Variants in OSBPL9 observed in about 807,000 individuals in gnomAD.
The protein encoded by OSBPL9 is oxysterol binding protein like 9, also known as oxysterol-binding protein-related protein 9.
Under a neutral mutation model 106.6 loss-of-function variants are expected in OSBPL9, and 40 were observed. The observed-to-expected ratio is 0.38, with a 90% CI of 0.29 to 0.49. The LOEUF is 0.49. Among genes scored for constraint, OSBPL9 ranks in the 20% least tolerant of loss-of-function variants. OSBPL9 has a pLI of 0.97. For missense variants in OSBPL9, 609 were observed against 887.2 expected (o/e 0.69, Z 3.98); for synonymous variants, 269 against 295.4 (o/e 0.91, Z 0.92).
At chr1:51,661,268 T>G (rs980866567) in intron 2 of OSBPL9, among the ~76,000 whole-genome samples, 3 of 152,204 alleles carry the variant, frequency 2.0e-5, no homozygotes, top group African/African-American at 7.2e-5. Flanking sequence ...TTGGAACCAG[T>G]TCACCAGCCT....
intron 2 of OSBPL9, among the ~76,000 whole-genome samples, chr1:51,659,228 C>T (rs1453758271): frequency 6.6e-6 from 1 of 152,110 alleles, no homozygotes; most frequent in Non-Finnish European, 1.5e-5. Flanking sequence ...CGCAGTATCA[C>T]ATAGATAACA....
At chr1:51,541,969 C>A in the OSBPL9 span, among the ~76,000 whole-genome samples, 1 of 152,098 alleles carries the variant, frequency 6.6e-6, no homozygotes, top group African/African-American at 2.4e-5. Flanking sequence ...GTCACTGCAA[C>A]CTCTACCTCC....
At chr1:51,596,192 A>G (rs1049390925) in intron 1 of OSBPL9, among the ~76,000 whole-genome samples, 3 of 150,558 alleles carry the variant, frequency 2.0e-5, no homozygotes, top group African/African-American at 7.3e-5. Flanking sequence ...CTGGGAGGTA[A>G]ATGTTGCAGT....
chr1:51,579,106 A>G (rs1457887153), intron 1 of OSBPL9, among the ~76,000 whole-genome samples: 1 of 148,158 alleles, frequency 6.7e-6, no homozygotes, highest in Non-Finnish European at 1.5e-5. Flanking sequence ...CCCAGGCTGG[A>G]GTGCAGTGGT....
the OSBPL9 span, among the ~76,000 whole-genome samples, chr1:51,543,345 A>G: frequency 6.6e-6 from 1 of 152,182 alleles, no homozygotes; most frequent in Non-Finnish European, 1.5e-5. Flanking sequence ...TCTAAGAGGC[A>G]GGTCTTCTTA....
chr1:51,632,666 A>T (rs964304212), intron 1 of OSBPL9, among the ~76,000 whole-genome samples: 1 of 119,962 alleles, frequency 8.3e-6, no homozygotes, highest in Non-Finnish European at 1.9e-5. Flanking sequence ...CGATGGGGGG[A>T]GAAGTGGCGG....
rs750810537 is a variant in OSBPL9, at chr1:51,788,819, T to TGAAG, written c.*1032_*1035dup. On this transcript the variant is annotated 3_prime_UTR_variant, in exon 24 of 24. Coordinates refer to ENST00000428468, the MANE Select transcript of OSBPL9 (RefSeq NM_024586.6). ...TGCCACAGCAGCAGATGGCTCATTC[T>TGAAG]GAAGGGAAATACAGAACTATATCTA... Among the ~76,000 whole-genome samples the TGAAG allele has an allele frequency of 9.9e-5, 15 of 151,842 alleles. No homozygotes were observed. Among genetic ancestry groups the TGAAG allele is most frequent in the Non-Finnish European group, 1.9e-4 (13 of 67,976 alleles).
At chr1:51,658,746 C>CT (rs533820511) in intron 2 of OSBPL9, among the ~76,000 whole-genome samples, 67 of 149,500 alleles carry the variant, frequency 4.5e-4, no homozygotes, top group Admixed American at 7.4e-4. Flanking sequence ...GATACCATCA[C>CT]TTTTTTTTTT....
chr1:51,711,817 C>T (rs1244997031), intron 3 of OSBPL9, among the ~76,000 whole-genome samples: 2 of 150,270 alleles, frequency 1.3e-5, no homozygotes, highest in Non-Finnish European at 1.5e-5. Context: ...AGATGATGGG[C>T]GGCGGGGCAG....
chr1:51,670,210 G>T (rs1182654230), intron 3 of OSBPL9, among the ~76,000 whole-genome samples: 1 of 152,146 alleles, frequency 6.6e-6, no homozygotes, highest in Non-Finnish European at 1.5e-5. Flanking sequence ...CTTGTCCTAA[G>T]TACCTCTTGT....
intron 3 of OSBPL9, among the ~76,000 whole-genome samples, chr1:51,698,458 A>C (rs1345947339): frequency 1.3e-5 from 2 of 152,132 alleles, no homozygotes; most frequent in Non-Finnish European, 2.9e-5. Flanking sequence ...GTTCCAGTTT[A>C]TATGTATATG....
chr1:51,547,697 AGCTGG>A, the OSBPL9 span, among the ~76,000 whole-genome samples: 7 of 152,086 alleles, frequency 4.6e-5, no homozygotes, highest in African/African-American at 1.7e-4. Flanking sequence ...TACAAAAATT[AGCTGG>A]GCATGGTGGT....
chr1:51,594,411 A>T (rs183326968), intron 1 of OSBPL9, among the ~76,000 whole-genome samples: 281 of 151,752 alleles, frequency 1.9e-3, no homozygotes, highest in African/African-American at 6.5e-3. Context: ...CAAAAAAAAT[A>T]AAAAAGAAAG....
upstream of OSBPL9, among the ~76,000 whole-genome samples, chr1:51,616,093 G>T (rs957142372): frequency 6.7e-6 from 1 of 149,878 alleles, no homozygotes; most frequent in African/African-American, 2.5e-5. Context: ...CGGCTCCGAG[G>T]TTCAAGTGAT....
At chr1:51,533,962 T>G in the OSBPL9 span, among the ~76,000 whole-genome samples, 3 of 150,878 alleles carry the variant, frequency 2.0e-5, no homozygotes, top group African/African-American at 7.3e-5. Flanking sequence ...ATCCCAGCAC[T>G]TTGGGAGGCC....
chr1:51,617,219 A>T lies in OSBPL9; in HGVS notation c.109A>T (p.Thr37Ser). ...DYNAGLLSYY[T>S]SKDKMMRGSR... ...CAATGCAGGACTGCTCTCCTACTAC[A>T]CGGTGAGTCCTTGGAGGGCACAGCT... The change falls in exon 1 of 24, where the codon ACG becomes TCG. Residue 37 changes from threonine (T) to serine (S), a missense_variant and splice_region_variant. Coordinates refer to ENST00000428468, the MANE Select transcript of OSBPL9 (RefSeq NM_024586.6). The T allele has an allele frequency of 6.2e-7, 1 of 1,609,976 alleles. No individual in the cohort carries two copies. Among genetic ancestry groups the T allele is most frequent in the Non-Finnish European group, 8.5e-7 (1 of 1,178,072 alleles).
the OSBPL9 span, chr1:51,565,496 C>T: frequency 3.9e-5 from 6 of 152,174 alleles, no homozygotes; most frequent in Non-Finnish European, 8.8e-5. Flanking sequence ...AAAGGCCATA[C>T]ATTAAGGACT....
the OSBPL9 span, among the ~76,000 whole-genome samples, chr1:51,552,195 G>A: frequency 3.2e-3 from 489 of 152,164 alleles, 13 homozygotes; most frequent in East Asian, 0.072. Context: ...TACTTTTCTT[G>A]TTGGTCTCCT....
intron 4 of OSBPL9, among the ~76,000 whole-genome samples, chr1:51,719,094 C>T (rs1661586927): frequency 6.6e-6 from 1 of 152,014 alleles, no homozygotes; most frequent in South Asian, 2.1e-4. Context: ...TGGATTTTGC[C>T]AGTTAGATGT....
Sources: allele counts gnomAD v4.1 joint callset (sites outside exome capture counted in the v4.1 genomes callset), GRCh38; gene constraint gnomAD v4.1.1; transcripts MANE v1.5; gene names NCBI Gene and HGNC (gene_info 2026-07-23, HGNC 2026-07-21).